Variants in SLC2A9 observed in about 807,000 individuals in gnomAD.
SLC2A9 encodes the protein solute carrier family 2 member 9.
Under a neutral mutation model 50.6 loss-of-function variants are expected in SLC2A9, and 39 were observed. The observed-to-expected ratio is 0.77, with a 90% CI of 0.60 to 1.01. The LOEUF is 1.01. Among genes scored for constraint, SLC2A9 ranks in the 50% least tolerant of loss-of-function variants. The pLI, the probability that SLC2A9 is intolerant of heterozygous loss-of-function variation, is 0.00. For synonymous variants in SLC2A9, 324 were observed against 276.9 expected (o/e 1.17, Z -1.69); for missense variants, 686 against 677.6 (o/e 1.01, Z -0.14).
chr4:9,811,843 G>A (rs994770080), intron 3 of SLC2A9, among the ~76,000 whole-genome samples: 2 of 152,194 alleles, frequency 1.3e-5, no homozygotes, highest in African/African-American at 4.8e-5. Context: ...CTGAGGATAT[G>A]GAGGCTGCCA....
intron 6 of SLC2A9, among the ~76,000 whole-genome samples, chr4:9,933,790 A>G (rs557180331): frequency 6.6e-6 from 1 of 152,240 alleles, no homozygotes; most frequent in East Asian, 1.9e-4. Context: ...GGCTCTAGGG[A>G]GAATCCGCCT....
In SLC2A9 at chr4:10,019,019, A is replaced by AGGAGGAGCC; in HGVS notation, c.196_204dup (p.Gly66_Ser68dup). On this transcript the variant is annotated inframe_insertion, in exon 2 of 12. Transcript: ENST00000264784. Reference sequence around the variant, plus strand: ...ACCGACAGGTTGTAGCCGTAGAGGAAGGAGGAGCCGAAGGCGCCCGCGAGG... The same window carrying AGGAGGAGCC: ...ACCGACAGGTTGTAGCCGTAGAGGAAGGAGGAGCCGGAGGAGCCGAAGGCGCCCGCGAGG... 1 of 1,550,880 alleles carries AGGAGGAGCC rather than the reference A, an allele frequency of 6.4e-7. No homozygotes were observed. The highest frequency in any genetic ancestry group is 8.7e-7 in the Non-Finnish European group (1 of 1,146,978).
intron 6 of SLC2A9, among the ~76,000 whole-genome samples, chr4:9,936,167 G>A (rs1747042317): frequency 6.6e-6 from 1 of 152,208 alleles, no homozygotes; most frequent in South Asian, 2.1e-4. Flanking sequence ...ATGGTATCAG[G>A]AGGTGGGGCC....
chr4:9,851,932 C>A (rs935383684), intron 10 of SLC2A9, among the ~76,000 whole-genome samples: 1 of 152,066 alleles, frequency 6.6e-6, no homozygotes, highest in African/African-American at 2.4e-5. Flanking sequence ...GTAAAGAGAG[C>A]AAATCTATGA....
At chr4:9,854,747 C>A (rs972289156) in intron 10 of SLC2A9, among the ~76,000 whole-genome samples, 1 of 152,200 alleles carries the variant, frequency 6.6e-6, no homozygotes, top group South Asian at 2.1e-4. Context: ...AGCAGCACAT[C>A]CAATAGCTTA....
At chr4:9,979,566 T>C (rs1755360531) in intron 5 of SLC2A9, among the ~76,000 whole-genome samples, 1 of 152,130 alleles carries the variant, frequency 6.6e-6, no homozygotes, top group Non-Finnish European at 1.5e-5. Flanking sequence ...TCCCCATGTC[T>C]ACCACCTCAG....
intron 3 of SLC2A9, among the ~76,000 whole-genome samples, chr4:9,807,165 G>A (rs1722235854): frequency 6.6e-6 from 1 of 152,204 alleles, no homozygotes; most frequent in South Asian, 2.1e-4. Context: ...ACTTCCACAA[G>A]GGATCAACTT....
intron 3 of SLC2A9, among the ~76,000 whole-genome samples, chr4:9,812,854 C>T (rs1470394797): frequency 6.6e-6 from 1 of 152,114 alleles, no homozygotes; most frequent in Non-Finnish European, 1.5e-5. Context: ...TCCCCAAATG[C>T]TGTGATTTAA....
At chr4:9,965,289 A>G (rs1390250347) in intron 5 of SLC2A9, among the ~76,000 whole-genome samples, 1 of 152,236 alleles carries the variant, frequency 6.6e-6, no homozygotes, top group Non-Finnish European at 1.5e-5. Flanking sequence ...ACAGCCCTGC[A>G]GAGGCTGTTT....
intron 2 of SLC2A9, among the ~76,000 whole-genome samples, chr4:10,013,193 A>C (rs886086828): frequency 6.6e-6 from 1 of 152,178 alleles, no homozygotes; most frequent in African/African-American, 2.4e-5. Flanking sequence ...GTTCTCTGCC[A>C]TCTGGGGGAA....
At chr4:9,774,987 C>G (rs1210018890), downstream of SLC2A9, among the ~76,000 whole-genome samples, 1 of 152,176 alleles carries the variant, frequency 6.6e-6, no homozygotes, top group Non-Finnish European at 1.5e-5. Flanking sequence ...CAGGCCAGAA[C>G]TCCATCTGAC....
At chr4:9,887,880 C>A (rs1007494602) in intron 9 of SLC2A9, among the ~76,000 whole-genome samples, 1 of 152,114 alleles carries the variant, frequency 6.6e-6, no homozygotes, top group Non-Finnish European at 1.5e-5. Flanking sequence ...TTGACATAGT[C>A]CTGGCATACA....
At chr4:9,790,761 C>A (rs1239254602) in intron 3 of SLC2A9, among the ~76,000 whole-genome samples, 2 of 152,110 alleles carry the variant, frequency 1.3e-5, no homozygotes, top group East Asian at 1.9e-4. Flanking sequence ...AGGGCCTAAG[C>A]TTCACTTTTT....
In SLC2A9 at chr4:9,787,546, T is replaced by C. The variant is rs562670329; in HGVS notation, n.386-7481A>G. The stretch of plus-strand genomic sequence containing the variant: ...CATTTACTCTGAATATTTTGTTGCA[T>C]ATTTCCTAAAAACAGGGAATTCTCT... On this transcript the variant is annotated intron_variant and non_coding_transcript_variant, in intron 3 of 3. Transcript: ENST00000503803. Among the ~76,000 whole-genome samples, 2 of 152,374 alleles carry C rather than the reference T, an allele frequency of 1.3e-5. 1 individual carries two copies. Among genetic ancestry groups the C allele is most frequent in the African/African-American group, 4.8e-5 (2 of 41,602 alleles).
In SLC2A9 at chr4:10,037,873, C is replaced by T. The variant is rs570703105; in HGVS notation, c.-41+2257G>A. Among the ~76,000 whole-genome samples, 175 of 152,230 alleles carry T rather than the reference C, an allele frequency of 1.1e-3. 1 individual carries two copies. Among genetic ancestry groups the T allele is most frequent in the African/African-American group, 4.1e-3 (169 of 41,518 alleles). On this transcript the variant is annotated intron_variant, in intron 1 of 12. Transcript: ENST00000309065. ...GGCTGAGGCACGAGAATCGCTAGAA[C>T]CTGGGAGGTGAAGGTTGCAGTGAGC...
chr4:9,967,754 A>C (rs547580190), intron 5 of SLC2A9, among the ~76,000 whole-genome samples: 1 of 151,990 alleles, frequency 6.6e-6, no homozygotes, highest in Non-Finnish European at 1.5e-5. Flanking sequence ...TTTACATTAA[A>C]AAATCTTGCC....
intron 10 of SLC2A9, among the ~76,000 whole-genome samples, chr4:9,885,285 A>G (rs1364709344): frequency 1.3e-5 from 2 of 152,204 alleles, no homozygotes; most frequent in African/African-American, 4.8e-5. Flanking sequence ...CAGGTGCTCA[A>G]TAAAGGCTTG....
chr4:9,928,195 T>C (rs972535905), intron 6 of SLC2A9, among the ~76,000 whole-genome samples: 17 of 152,194 alleles, frequency 1.1e-4, no homozygotes, highest in African/African-American at 4.1e-4. Context: ...CAATCAATAG[T>C]GGAACCCGCT....
intron 5 of SLC2A9, among the ~76,000 whole-genome samples, chr4:9,973,725 G>A (rs574370296): frequency 9.8e-6 from 1 of 102,488 alleles, no homozygotes; most frequent in African/African-American, 3.8e-5. Flanking sequence ...GTGGGGGGAG[G>A]GGGGAGGGAT....
Sources: gnomAD v4.1 joint callset for allele counts (sites outside exome capture counted in the v4.1 genomes callset) on GRCh38, gnomAD v4.1.1 for gene constraint, MANE v1.5 for transcripts, NCBI Gene and HGNC (gene_info 2026-07-23, HGNC 2026-07-21) for gene names.